WDR36: variants seen among roughly 807,000 people sequenced by gnomAD.
WDR36 encodes the protein WD repeat domain 36.
Under a neutral mutation model 112.7 loss-of-function variants are expected in WDR36, and 63 were observed. That is an observed-to-expected ratio of 0.56 (90% CI 0.46 to 0.69). The LOEUF (loss-of-function observed/expected upper bound fraction) is 0.69, where lower values mean the gene tolerates loss of function less well. Ranked by LOEUF, WDR36 falls within the 30% of genes least tolerant of loss-of-function variation. The probability of loss-of-function intolerance (pLI) is 0.00; values close to 1 mark genes in which losing one functional copy is unlikely to be tolerated. For synonymous variants in WDR36, 410 were observed against 362.2 expected (o/e 1.13, Z -1.50); for missense variants, 1,226 against 1,070.3 (o/e 1.15, Z -2.03).
At chr5:111,099,472 T>TTTG (rs1753073251) in intron 4 of WDR36, among the ~76,000 whole-genome samples, 1 of 144,816 alleles carries the variant, frequency 6.9e-6, no homozygotes, top group Non-Finnish European at 1.5e-5. Flanking sequence ...TGTTTTTTTT[T>TTTG]TTTTTTTTTT....
chr5:111,127,663 G>C lies in WDR36; in HGVS notation c.*780G>C. On this transcript the variant is annotated 3_prime_UTR_variant, in exon 23 of 23. Transcript: ENST00000513710. ...GAAGTTGTTCATGGATCAGAAATGT[G>C]GGAGGCCCTTCCTTGCCCAAGGCAA... The C allele has an allele frequency of 4.7e-6, 1 of 211,174 alleles. No homozygotes were observed. Among genetic ancestry groups the C allele is most frequent in the East Asian group, 7.1e-5 (1 of 14,158 alleles). The allele number at this position is 211,174 out of a possible 1,614,324, so 13.1% of individuals were successfully genotyped here.
At chr5:111,113,718 A>T (rs530755174) in intron 16 of WDR36, among the ~76,000 whole-genome samples, 1 of 152,142 alleles carries the variant, frequency 6.6e-6, no homozygotes, top group Non-Finnish European at 1.5e-5. Flanking sequence ...TCAAAGGGCC[A>T]TATCTGGTGA....
In WDR36 at chr5:111,107,387, G is replaced by A. The variant is rs368311646; in HGVS notation, c.1274G>A (p.Gly425Asp). 5.0e-6 allele frequency: 8 copies of A among 1,610,306 alleles called. No homozygotes were observed. Among genetic ancestry groups the A allele is most frequent in the Non-Finnish European group, 6.8e-6 (8 of 1,177,662 alleles). Residue 425 changes from glycine (G) to aspartate (D), a missense_variant, in exon 12 of 23, where the codon GGC becomes GAC. By Grantham distance (94) the Gly-to-Asp change is moderately conservative. Transcript: ENST00000513710. ...TGGAATTATCAGAAATCTACAATAG[G>A]CGCTTACTTTCTCAAGCCAAAAGAG... ...STWNYQKSTI[G>D]AYFLKPKELK...
At chr5:111,121,222 A>G in intron 19 of WDR36, 81 bp downstream of exon 19, 1 of 1,488,120 alleles carries the variant, frequency 6.7e-7, no homozygotes, top group East Asian at 2.3e-5. Context: ...AACTTCTCCT[A>G]CATTGAGGGC....
Position 111,103,795 on chromosome 5 carries a change from G to T in WDR36, c.607G>T (p.Val203Leu), listed in dbSNP as rs772498725. The stretch of plus-strand genomic sequence containing the variant: ...ATAATTTAATTTTTAGGCACCAGCC[G>T]TGGATGTTGTTGCTATTGGTCTTAT... ...GVTALQQAPA[V>L]DVVAIGLMSG... The change falls in exon 7 of 23, where the codon GTG (valine) becomes TTG (leucine). Residue 203 changes from valine (V) to leucine (L), a missense_variant. Physicochemically the swap from Val to Leu is conservative, Grantham distance 32. Coordinates refer to ENST00000513710, the MANE Select transcript of WDR36 (RefSeq NM_139281.3). 3.7e-6 allele frequency: 6 copies of T among 1,610,750 alleles called. No homozygotes were observed. The highest frequency in any genetic ancestry group is 1.7e-5 in the Admixed American group (1 of 59,678).
chr5:111,092,808 C>T (rs1200272474), intron 1 of WDR36, among the ~76,000 whole-genome samples, 190 bp downstream of exon 1: 2 of 152,240 alleles, frequency 1.3e-5, no homozygotes, highest in Admixed American at 1.3e-4. Context: ...CCTCCTGGGG[C>T]GTGTTTCAGA....
At chr5:111,103,260 C>A (rs1333980358) in intron 6 of WDR36, among the ~76,000 whole-genome samples, 3 of 151,658 alleles carry the variant, frequency 2.0e-5, no homozygotes, top group Non-Finnish European at 4.4e-5. Flanking sequence ...GTATTATAGA[C>A]CATTATAACC....
rs750305586 is a variant in WDR36 at position 111,126,848 on chromosome 5, T to C, written c.2653T>C (p.Cys885Arg). The C allele has an allele frequency of 3.1e-6, 5 of 1,610,498 alleles. No individual in the cohort carries two copies. Among genetic ancestry groups the C allele is most frequent in the Non-Finnish European group, 3.4e-6 (4 of 1,179,008 alleles). Residue 885 changes from cysteine (C) to arginine (R), a missense_variant, in exon 23 of 23, where the codon TGT becomes CGT. Cys to Arg is a radical substitution (Grantham distance 180). Transcript: ENST00000513710. The stretch of plus-strand genomic sequence containing the variant: ...GCAATCACTCTTCAATCAAAGCATG[T>C]GTATTTTAAATTATCTCAAAAGTGC... ...HLQSLFNQSMCILNYLKSALL is the reference protein window; with the variant it reads ...HLQSLFNQSMRILNYLKSALL
Position 111,127,897 on chromosome 5 carries a change from G to A in WDR36, c.*1014G>A, listed in dbSNP as rs1189679832. ...GCCAAGAATGGGTATTTCAAAGCCA[G>A]GGTTTTTTTTATTTTGTTTTGTTTT... On this transcript the variant is annotated 3_prime_UTR_variant, in exon 23 of 23. Coordinates refer to ENST00000513710, the MANE Select transcript of WDR36 (RefSeq NM_139281.3). 4.8e-6 allele frequency: 1 copy of A among 209,926 alleles called. No individual in the cohort carries two copies. The allele number at this position is 209,926 out of a possible 1,614,324, so 13.0% of individuals were successfully genotyped here.
At position 111,113,059 on chromosome 5, in the gene WDR36, T is replaced by A. The variant is rs770719025; in HGVS notation, c.1717-15T>A. On this transcript the variant is annotated splice_polypyrimidine_tract_variant and intron_variant, in intron 15 of 22. Coordinates refer to ENST00000513710, the MANE Select transcript of WDR36 (RefSeq NM_139281.3). Reference sequence around the variant, plus strand: ...TAATATATATATATATATATTTTTTTTTTTTAATTTAAAGGCTTTTAGTCC... The same window carrying A: ...TAATATATATATATATATATTTTTTATTTTTAATTTAAAGGCTTTTAGTCC... The A allele has an allele frequency of 1.8e-5, 16 of 874,584 alleles. No homozygotes were observed. Among genetic ancestry groups the A allele is most frequent in the East Asian group, 8.4e-5 (2 of 23,922 alleles). The allele number at this position is 874,584 out of a possible 1,614,324, so 54.2% of individuals were successfully genotyped here. A position where few individuals can be genotyped will look rare whatever the true frequency, so the allele number is the denominator to read the frequency against.
rs1255461890 is a variant in WDR36 at position 111,092,385 on chromosome 5, G to A, written c.-72G>A. On this transcript the variant is annotated 5_prime_UTR_variant, in exon 1 of 23. Transcript: ENST00000513710. ...GCTCTGGCAGAGGACTGTTCCACTA[G>A]ACACGCTGAAGGGACTGGGTACGTG... The A allele has an allele frequency of 1.3e-5, 21 of 1,614,118 alleles. No individual in the cohort carries two copies. Among genetic ancestry groups the A allele is most frequent in the Non-Finnish European group, 1.8e-5 (21 of 1,180,052 alleles).
chr5:111,110,631 ATCT>A (rs1174739286), intron 13 of WDR36, among the ~76,000 whole-genome samples, 154 bp from the exon 14 acceptor site: 1 of 151,588 alleles, frequency 6.6e-6, no homozygotes, highest in East Asian at 1.9e-4. Flanking sequence ...ATAATTAAGA[ATCT>A]TCTTACACCC....
chr5:111,120,552 T>C lies in WDR36; in HGVS notation c.1961T>C (p.Val654Ala), dbSNP rs1409269594. The C allele has an allele frequency of 1.2e-6, 2 of 1,613,052 alleles. No homozygotes were observed. Among genetic ancestry groups the C allele is most frequent in the Non-Finnish European group, 1.7e-6 (2 of 1,179,398 alleles). The change falls in exon 18 of 23, where the codon GTC (valine) becomes GCC (alanine). Residue 654 changes from valine to alanine, a missense_variant. Physicochemically the swap from Val to Ala is moderately conservative, Grantham distance 64. Coordinates refer to ENST00000513710, the MANE Select transcript of WDR36 (RefSeq NM_139281.3). ...TTACGGCCACTTCCTGCAGATTATG[T>C]CCCTTCAATAGTCATGCTTCCTGGT... ...VSLRPLPADYVPSIVMLPGTC... is the reference protein window; with the variant it reads ...VSLRPLPADYAPSIVMLPGTC...
Position 111,104,293 on chromosome 5 carries a change from C to A in WDR36, c.847C>A (p.Leu283Met), listed in dbSNP as rs921093568. The A allele has an allele frequency of 1.2e-6, 2 of 1,612,084 alleles. No individual in the cohort carries two copies. Among genetic ancestry groups the A allele is most frequent in the Non-Finnish European group, 1.7e-6 (2 of 1,178,572 alleles). ...RNAHSTAIAG[L>M]TFLHREPLLV... ...TGCACACTCTACAGCAATTGCCGGACTGACATTTCTCCATAGAGAGCCACT... is the reference window on the plus strand; with the variant it reads ...TGCACACTCTACAGCAATTGCCGGAATGACATTTCTCCATAGAGAGCCACT... The change falls in exon 8 of 23, where the codon CTG becomes ATG. Residue 283 changes from leucine to methionine, a missense_variant. Leu to Met is a conservative substitution (Grantham distance 15). Coordinates refer to ENST00000513710, the MANE Select transcript of WDR36 (RefSeq NM_139281.3).
At chr5:111,096,242 CT>C (rs576676857) in intron 2 of WDR36, among the ~76,000 whole-genome samples, 1 of 152,120 alleles carries the variant, frequency 6.6e-6, no homozygotes, top group Non-Finnish European at 1.5e-5. Flanking sequence ...GCATATTTCC[CT>C]TGGAGAAGAC....
In WDR36 at chr5:111,107,384, T is replaced by C. The variant is rs1207438978; in HGVS notation, c.1271T>C (p.Ile424Thr). 2 of 1,610,590 alleles carry C rather than the reference T, an allele frequency of 1.2e-6. No individual in the cohort carries two copies. The highest frequency in any genetic ancestry group is 1.7e-5 in the Admixed American group (1 of 59,636). ...ACCTGGAATTATCAGAAATCTACAA[T>C]AGGCGCTTACTTTCTCAAGCCAAAA... Reference protein sequence around the residue: ...CSTWNYQKSTIGAYFLKPKEL... With the variant: ...CSTWNYQKSTTGAYFLKPKEL... The change falls in exon 12 of 23, where the codon ATA (isoleucine) becomes ACA (threonine). Residue 424 changes from isoleucine (I) to threonine (T), a missense_variant. Physicochemically the swap from Ile to Thr is moderately conservative, Grantham distance 89. Transcript: ENST00000513710.
At chr5:111,104,441 C>G in intron 8 of WDR36, 89 bp downstream of exon 8, 1 of 1,549,138 alleles carries the variant, frequency 6.5e-7, no homozygotes, top group Non-Finnish European at 8.9e-7. Flanking sequence ...AGCTTTCAAC[C>G]TAGAAGATGA....
chr5:111,096,746 A>T (rs560511829), intron 2 of WDR36, among the ~76,000 whole-genome samples: 1 of 151,968 alleles, frequency 6.6e-6, no homozygotes, highest in East Asian at 1.9e-4. Context: ...TGAAGACTGG[A>T]TGACTATCTG....
intron 17 of WDR36, among the ~76,000 whole-genome samples, chr5:111,119,620 G>A (rs1228187588): frequency 6.6e-6 from 1 of 152,012 alleles, no homozygotes; most frequent in Non-Finnish European, 1.5e-5. Flanking sequence ...GACTGTCATT[G>A]CTCATAATAA....
Sources: allele counts gnomAD v4.1 joint callset (sites outside exome capture counted in the v4.1 genomes callset), GRCh38; gene constraint gnomAD v4.1.1; transcripts MANE v1.5; gene names NCBI Gene and HGNC (gene_info 2026-07-23, HGNC 2026-07-21).